The following DPP10 variants were observed in gnomAD, a reference collection of about 807,000 sequenced individuals.
DPP10 encodes the protein inactive dipeptidyl peptidase 10.
Under a neutral mutation model 120.9 loss-of-function variants are expected in DPP10, and 33 were observed. That is an observed-to-expected ratio of 0.27 (90% CI 0.21 to 0.37). The LOEUF (loss-of-function observed/expected upper bound fraction) is 0.37. DPP10 is among the 10% of genes least tolerant of loss of function. The pLI is 1.00. For synonymous variants in DPP10, 337 were observed against 326.1 expected (o/e 1.03, Z -0.36); for missense variants, 816 against 942.8 (o/e 0.87, Z 1.76).
intron 5 of DPP10, among the ~76,000 whole-genome samples, chr2:115,596,524 A>C (rs1391504386): frequency 1.3e-5 from 2 of 152,120 alleles, no homozygotes; most frequent in African/African-American, 4.8e-5. Context: ...CACTTGTCAT[A>C]TTTCAAAGTT....
At chr2:115,314,305 G>C (rs1374150855) in intron 2 of DPP10, among the ~76,000 whole-genome samples, 1 of 152,108 alleles carries the variant, frequency 6.6e-6, no homozygotes, top group Non-Finnish European at 1.5e-5. Context: ...GTCTGTAATC[G>C]GTCAATGCCG....
intron 3 of DPP10, among the ~76,000 whole-genome samples, chr2:115,423,823 C>A (rs529254961): frequency 1.3e-5 from 2 of 152,182 alleles, no homozygotes; most frequent in East Asian, 3.9e-4. Context: ...GCAAGAATAC[C>A]TTACATAGTG....
chr2:115,264,421 C>T (rs543671490), intron 1 of DPP10, among the ~76,000 whole-genome samples: 3 of 152,234 alleles, frequency 2.0e-5, no homozygotes, highest in Admixed American at 1.3e-4. Context: ...AGGGCAGGAT[C>T]GCATAAACAA....
chr2:115,645,569 C>A (rs1228595997), intron 5 of DPP10, among the ~76,000 whole-genome samples: 2 of 152,020 alleles, frequency 1.3e-5, no homozygotes, highest in Admixed American at 1.3e-4. Flanking sequence ...AGTAATTTGC[C>A]TGAAATTGAG....
chr2:114,889,475 AG>A (rs137885301), intron 1 of DPP10, among the ~76,000 whole-genome samples: 26,445 of 151,594 alleles, frequency 0.17, 2,866 homozygotes, highest in East Asian at 0.25. Context: ...ACATGAACCT[AG>A]CAAAATTATC....
chr2:115,204,139 C>T (rs2055947574), intron 1 of DPP10, among the ~76,000 whole-genome samples: 1 of 151,962 alleles, frequency 6.6e-6, no homozygotes. Context: ...GAAATGTCTT[C>T]TACAGTTAAA....
chr2:115,283,617 C>G (rs1333379540), intron 1 of DPP10, among the ~76,000 whole-genome samples: 1 of 151,890 alleles, frequency 6.6e-6, no homozygotes, highest in Non-Finnish European at 1.5e-5. Flanking sequence ...GTTTTTAATT[C>G]AGTCTGAAAG....
chr2:115,604,092 T>G (rs1370624029), intron 5 of DPP10, among the ~76,000 whole-genome samples: 1 of 151,690 alleles, frequency 6.6e-6, no homozygotes. Context: ...TTTTTTTTTT[T>G]TTTTTTTTTT....
chr2:115,012,293 C>A (rs985604380), intron 1 of DPP10, among the ~76,000 whole-genome samples: 1 of 152,086 alleles, frequency 6.6e-6, no homozygotes, highest in African/African-American at 2.4e-5. Context: ...AACCAGGTGT[C>A]CCTAGGGCAA....
chr2:115,291,021 T>C (rs1361073005), intron 1 of DPP10, among the ~76,000 whole-genome samples: 1 of 152,104 alleles, frequency 6.6e-6, no homozygotes, highest in Non-Finnish European at 1.5e-5. Flanking sequence ...ATTATTTTTC[T>C]GAGGCAGGGT....
intron 1 of DPP10, among the ~76,000 whole-genome samples, chr2:114,827,741 G>A (rs1686693850): frequency 6.6e-6 from 1 of 152,194 alleles, no homozygotes; most frequent in African/African-American, 2.4e-5. Context: ...CCTGTGCAGT[G>A]GAGGAAGCTG....
At chr2:114,745,539 G>A (rs1678500448) in intron 1 of DPP10, among the ~76,000 whole-genome samples, 1 of 152,060 alleles carries the variant, frequency 6.6e-6, no homozygotes, top group African/African-American at 2.4e-5. Flanking sequence ...ATGGTATGAT[G>A]GCTGCCCTCT....
At chr2:115,033,025 C>G (rs1361728076) in intron 1 of DPP10, among the ~76,000 whole-genome samples, 2 of 152,226 alleles carry the variant, frequency 1.3e-5, no homozygotes, top group Non-Finnish European at 2.9e-5. Flanking sequence ...TGACTCCTTG[C>G]ACTTCTCTCT....
chr2:115,276,581 A>G (rs1438431163), intron 1 of DPP10, among the ~76,000 whole-genome samples: 1 of 152,210 alleles, frequency 6.6e-6, no homozygotes, highest in African/African-American at 2.4e-5. Flanking sequence ...GAGAAAGGTG[A>G]CATTACTCCA....
intron 3 of DPP10, among the ~76,000 whole-genome samples, chr2:115,452,322 G>A (rs2073171994): frequency 6.6e-6 from 1 of 151,858 alleles, no homozygotes; most frequent in African/African-American, 2.4e-5. Context: ...AAGTGCTGTA[G>A]CATGCCCCCA....
chr2:115,042,623 A>G (rs962796963), intron 1 of DPP10, among the ~76,000 whole-genome samples: 9 of 152,174 alleles, frequency 5.9e-5, no homozygotes, highest in Middle Eastern at 3.2e-3. Context: ...TAGAGCTGAA[A>G]TAGTTCTTAA....
chr2:115,842,450 G>A lies in DPP10; in HGVS notation c.*105G>A. On this transcript the variant is annotated 3_prime_UTR_variant, in exon 26 of 26. Transcript: ENST00000410059. ...TCCAGAATGTCAAGGGCAGCTTACGGAGATGTCACTGGAGCAGCACGCTCA... is the reference window on the plus strand; with the variant it reads ...TCCAGAATGTCAAGGGCAGCTTACGAAGATGTCACTGGAGCAGCACGCTCA... The A allele has an allele frequency of 7.3e-7, 1 of 1,376,566 alleles. No homozygotes were observed. The allele number at this position is 1,376,566 out of a possible 1,614,324, so 85.3% of individuals were successfully genotyped here.
chr2:115,760,382 C>T (rs1679967097), intron 11 of DPP10, among the ~76,000 whole-genome samples: 1 of 152,114 alleles, frequency 6.6e-6, no homozygotes, highest in Non-Finnish European at 1.5e-5. Context: ...CATATGCTGT[C>T]TATGGGGAAA....
chr2:114,906,995 T>G (rs1049534450), intron 1 of DPP10, among the ~76,000 whole-genome samples: 4 of 152,180 alleles, frequency 2.6e-5, no homozygotes, highest in African/African-American at 9.6e-5. Flanking sequence ...ATTTTTAATG[T>G]ATTCCCTATG....
Sources: allele counts gnomAD v4.1 joint callset (sites outside exome capture counted in the v4.1 genomes callset), GRCh38; gene constraint gnomAD v4.1.1; transcripts MANE v1.5; gene names NCBI Gene and HGNC (gene_info 2026-07-23, HGNC 2026-07-21).